Variants in SIRPD observed in about 807,000 individuals in gnomAD.
The protein encoded by SIRPD is signal regulatory protein delta, also known as signal-regulatory protein delta.
SIRPD carries 21 observed loss-of-function variants against 18.0 expected under a neutral mutation model. The ratio of observed to expected loss-of-function variants is 1.17; its 90% CI spans 0.83 to 1.68. The LOEUF (loss-of-function observed/expected upper bound fraction) is 1.68. SIRPD is among the 40% of genes most tolerant of loss of function. SIRPD has a pLI of 0.00. For synonymous variants in SIRPD, 106 were observed against 92.9 expected, an observed-to-expected ratio of 1.14 and a Z score of -0.81; for missense variants, 295 against 238.4, an observed-to-expected ratio of 1.24 and a Z score of -1.56.
chr20:1,539,442 T>G lies in SIRPD; in HGVS notation c.422-2132A>C, dbSNP rs563565589. Among the ~76,000 whole-genome samples the G allele has an allele frequency of 3.3e-5, 5 of 152,352 alleles. 1 individual carries two copies. The highest frequency in any genetic ancestry group is 3.3e-4 in the Admixed American group (5 of 15,310). ...ATCTCACATGGGCTTGAAAAGGAGC[T>G]GTGTTTTTCAGTTGTTGGGTGCAGT... On this transcript the variant is annotated intron_variant, in intron 2 of 3. Transcript: ENST00000381623.
intron 2 of SIRPD, among the ~76,000 whole-genome samples, chr20:1,540,646 T>G (rs993940778): frequency 2.6e-5 from 4 of 152,212 alleles, no homozygotes; most frequent in Non-Finnish European, 4.4e-5. Flanking sequence ...AAAAATTGAT[T>G]TTTTAAATTA....
chr20:1,551,313 C>T (rs976323722), intron 2 of SIRPD, among the ~76,000 whole-genome samples: 1 of 152,140 alleles, frequency 6.6e-6, no homozygotes, highest in African/African-American at 2.4e-5. Context: ...GGAAGAATTA[C>T]TTTAGATTAC....
intron 3 of SIRPD, among the ~76,000 whole-genome samples, chr20:1,534,685 A>G (rs1217243283): frequency 2.0e-5 from 3 of 152,160 alleles, no homozygotes; most frequent in African/African-American, 7.2e-5. Flanking sequence ...CACGTGACAA[A>G]CCCATATTTA....
chr20:1,551,884 G>T lies in SIRPD; in HGVS notation c.228C>A (p.Tyr76Ter), dbSNP rs2091020787. ...TGGGAAAGTTACCTTGTTTGAAATT[G>T]TAGATTAATTTCCGGTTTGGCCCTG... ...KGTGPNRKLI[Y>*]NFKQGNFPRV... Residue 76 changes from tyrosine to a stop codon, truncating the protein, a stop_gained, in exon 2 of 4, where the codon TAC (tyrosine) becomes TAA (stop). Coordinates refer to ENST00000381623, the MANE Select transcript of SIRPD (RefSeq NM_178460.3). LOFTEE classifies it high-confidence loss of function. 1 of 1,614,116 alleles carries T rather than the reference G, an allele frequency of 6.2e-7. No individual in the cohort carries two copies.
At chr20:1,539,516 CCTTA>C (rs1198837430) in intron 2 of SIRPD, among the ~76,000 whole-genome samples, 1 of 152,154 alleles carries the variant, frequency 6.6e-6, no homozygotes, top group African/African-American at 2.4e-5. Context: ...TCTTTTGTAT[CCTTA>C]CTGACATTTT....
chr20:1,545,407 A>G (rs1012839217), intron 2 of SIRPD, among the ~76,000 whole-genome samples: 3 of 152,094 alleles, frequency 2.0e-5, no homozygotes, highest in African/African-American at 7.2e-5. Context: ...TGATTGATTC[A>G]GCTCTTGATA....
rs1446830566 is a variant in SIRPD at position 1,534,414 on chromosome 20, C to T, written c.*11G>A. ...TTTGTTATTTACTTGTACGTTCCTTCCCTGTTTGGATTATTTTGACAGCAA... is the reference window on the plus strand; with the variant it reads ...TTTGTTATTTACTTGTACGTTCCTTTCCTGTTTGGATTATTTTGACAGCAA... On this transcript the variant is annotated 3_prime_UTR_variant, in exon 4 of 4. Transcript: ENST00000381623. The T allele has an allele frequency of 1.1e-5, 17 of 1,612,320 alleles. No individual in the cohort carries two copies. In the East Asian group the frequency reaches 3.6e-4, roughly 34 times the overall value.
At position 1,538,634 on chromosome 20, in the gene SIRPD, A is replaced by C. The variant is rs73569127; in HGVS notation, c.422-1324T>G. Among the ~76,000 whole-genome samples the C allele has an allele frequency of 9.5e-3, 1,443 of 152,288 alleles. 24 individuals carry two copies. Among genetic ancestry groups the C allele is most frequent in the African/African-American group, 0.034 (1,409 of 41,548 alleles). On this transcript the variant is annotated intron_variant, in intron 2 of 3. Coordinates refer to ENST00000381623, the MANE Select transcript of SIRPD (RefSeq NM_178460.3). ...TTCTACCTGGCTTTCTTGGGATGCT[A>C]ATTTTTGGAACCTTGCCACCATGCT...
Position 1,552,022 on chromosome 20 carries a change from G to A in SIRPD, c.90C>T (p.Phe30=), listed in dbSNP as rs780841224. The change falls in exon 2 of 4, where the codon TTC becomes TTT. Residue 30 remains phenylalanine, a synonymous_variant. Transcript: ENST00000381623. ...GTGACATCTCCGTTTGTTGCACATG[G>A]AACACATGTGTGACTCCTGGAAAAA... is the stretch of plus-strand genomic sequence containing the variant. ...LLELAGVTHV[F]HVQQTEMSQT... is the part of the protein sequence containing the mutation. 5 of 1,612,090 alleles carry A rather than the reference G, an allele frequency of 3.1e-6. No individual in the cohort carries two copies. The African/African-American group carries it at 5.3e-5, about 17-fold the overall frequency.
intron 2 of SIRPD, among the ~76,000 whole-genome samples, chr20:1,537,720 T>C (rs999902226): frequency 2.6e-5 from 4 of 151,506 alleles, no homozygotes; most frequent in Admixed American, 6.6e-5. Flanking sequence ...ACTCCAGAGG[T>C]GTCAGTTGTA....
chr20:1,539,263 A>G (rs1486326485), intron 2 of SIRPD, among the ~76,000 whole-genome samples: 1 of 152,206 alleles, frequency 6.6e-6, no homozygotes, highest in African/African-American at 2.4e-5. Context: ...ATTATTTCCC[A>G]AATTCCTAAT....
chr20:1,545,192 A>G (rs2090988427), intron 2 of SIRPD, among the ~76,000 whole-genome samples: 1 of 151,832 alleles, frequency 6.6e-6, no homozygotes, highest in African/African-American at 2.4e-5. Context: ...TCTCCTGGAT[A>G]ATATCCTGAA....
In SIRPD at chr20:1,551,672, G is replaced by A; in HGVS notation, c.421+19C>T. ...GATATTATACACCAGGGGGTATGGG[G>A]TATAGGAGACATACTCACCAGTAAC... On this transcript the variant is annotated intron_variant, in intron 2 of 3. Transcript: ENST00000381623. 6.3e-7 allele frequency: 1 copy of A among 1,583,726 alleles called. No individual in the cohort carries two copies. The highest frequency in any genetic ancestry group is 8.6e-7 in the Non-Finnish European group (1 of 1,156,762).
Position 1,548,505 on chromosome 20 carries a change from A to T in SIRPD, c.421+3186T>A, listed in dbSNP as rs192046863. Among the ~76,000 whole-genome samples, 3 of 152,212 alleles carry T rather than the reference A, an allele frequency of 2.0e-5. No individual in the cohort carries two copies. In the East Asian group the frequency reaches 5.8e-4, roughly 29 times the overall value. ...ATGCTTTCTATATGTTGCTGGTTTC[A>T]GTTTGCTAGTATTTTCTTAAGGGAT... On this transcript the variant is annotated intron_variant, in intron 2 of 3. Coordinates refer to ENST00000381623, the MANE Select transcript of SIRPD (RefSeq NM_178460.3).
At chr20:1,539,418 T>C (rs2090961141) in intron 2 of SIRPD, among the ~76,000 whole-genome samples, 1 of 152,250 alleles carries the variant, frequency 6.6e-6, no homozygotes, top group Admixed American at 6.5e-5. Context: ...TTAGTTAATA[T>C]CTCACATGGG....
chr20:1,534,261 G>T lies in SIRPD; in HGVS notation c.*164C>A. On this transcript the variant is annotated 3_prime_UTR_variant, in exon 4 of 4. Coordinates refer to ENST00000381623, the MANE Select transcript of SIRPD (RefSeq NM_178460.3). The stretch of plus-strand genomic sequence containing the variant: ...AGAGAGAACCTGGAATTGGACCCAG[G>T]TAAATAGACAGATTTATTGTACGAT... The T allele has an allele frequency of 2.1e-6, 2 of 947,768 alleles. No individual in the cohort carries two copies. The highest frequency in any genetic ancestry group is 2.5e-5 in the East Asian group (1 of 40,374). 58.7% of individuals were successfully genotyped at this position (947,768 alleles called of 1,614,324 possible).
Position 1,557,598 on chromosome 20 carries a change from A to G in SIRPD, c.56T>C (p.Leu19Pro). The G allele has an allele frequency of 6.3e-7, 1 of 1,589,088 alleles. No individual in the cohort carries two copies. Among genetic ancestry groups the G allele is most frequent in the Non-Finnish European group, 8.6e-7 (1 of 1,167,628 alleles). Residue 19 changes from leucine to proline, a missense_variant, in exon 1 of 4, where the codon CTG becomes CCG. Leu to Pro is a moderately conservative substitution (Grantham distance 98, BLOSUM62 -3). Transcript: ENST00000381623. ...CCACTCACCTGCCAGTTCAAGCAGCAGATACAGCAGTAAGGAAGGCAGAGG... is the reference window on the plus strand; with the variant it reads ...CCACTCACCTGCCAGTTCAAGCAGCGGATACAGCAGTAAGGAAGGCAGAGG... ...HPPLPSLLLY[L>P]LLELAGVTHV...
chr20:1,555,797 A>G (rs1367560736), intron 1 of SIRPD, among the ~76,000 whole-genome samples: 3 of 152,222 alleles, frequency 2.0e-5, no homozygotes, highest in Admixed American at 6.5e-5. Context: ...TACAACACAT[A>G]TTAATTATTT....
At chr20:1,540,998 A>G (rs1372859186) in intron 2 of SIRPD, among the ~76,000 whole-genome samples, 3 of 152,178 alleles carry the variant, frequency 2.0e-5, no homozygotes, top group Non-Finnish European at 4.4e-5. Context: ...ATAGTATTCC[A>G]TGGTGTATAT....
Sources: gnomAD v4.1 joint callset for allele counts (sites outside exome capture counted in the v4.1 genomes callset) on GRCh38, gnomAD v4.1.1 for gene constraint, MANE v1.5 for transcripts, NCBI Gene and HGNC (gene_info 2026-07-23, HGNC 2026-07-21) for gene names.